Variants in NRXN1 observed in about 807,000 individuals in gnomAD.
NRXN1 encodes neurexin 1.
In NRXN1, 39 loss-of-function variants were observed where a neutral mutation model predicts 150.9. The ratio of observed to expected loss-of-function variants is 0.26; its 90% CI spans 0.20 to 0.34. The LOEUF (loss-of-function observed/expected upper bound fraction) is 0.34. Among genes scored for constraint, NRXN1 ranks in the 10% least tolerant of loss-of-function variants. The probability of loss-of-function intolerance (pLI) is 1.00; values close to 1 mark genes in which losing one functional copy is unlikely to be tolerated. For missense variants in NRXN1, 1,815 were observed against 1,949.9 expected (o/e 0.93, Z 1.30); for synonymous variants, 924 against 757.0 (o/e 1.22, Z -3.62).
intron 18 of NRXN1, among the ~76,000 whole-genome samples, chr2:50,094,641 G>A (rs954436170): frequency 1.1e-4 from 16 of 152,040 alleles, no homozygotes; most frequent in Non-Finnish European, 1.9e-4. Context: ...TGTGCATTAG[G>A]GTTTGTTAGG....
intron 5 of NRXN1, among the ~76,000 whole-genome samples, chr2:50,674,294 A>C (rs1302975341): frequency 6.6e-6 from 1 of 152,114 alleles, no homozygotes; most frequent in Non-Finnish European, 1.5e-5. Context: ...ATAAGTTAAA[A>C]ACAAACTAAC....
At chr2:50,115,193 C>CA (rs1419341841) in intron 18 of NRXN1, among the ~76,000 whole-genome samples, 18 of 130,262 alleles carry the variant, frequency 1.4e-4, no homozygotes, top group East Asian at 2.2e-4. Context: ...ATAAAACTTA[C>CA]AAAAAAACAT....
At chr2:50,042,469 C>A (rs1405065687) in intron 21 of NRXN1, among the ~76,000 whole-genome samples, 2 of 152,194 alleles carry the variant, frequency 1.3e-5, no homozygotes, top group African/African-American at 2.4e-5. Context: ...GAGGCCTCCC[C>A]AGCCCTGCAG....
chr2:50,766,802 T>C (rs1702437840), intron 5 of NRXN1, among the ~76,000 whole-genome samples: 1 of 151,996 alleles, frequency 6.6e-6, no homozygotes, highest in Non-Finnish European at 1.5e-5. Context: ...GTGCAGAATA[T>C]AAGGGCAGTG....
intron 8 of NRXN1, among the ~76,000 whole-genome samples, chr2:50,567,810 A>T (rs1670090830): frequency 6.6e-6 from 1 of 152,186 alleles, no homozygotes; most frequent in Admixed American, 6.5e-5. Context: ...AATCACTTTT[A>T]TTCAAAAATA....
At chr2:50,230,958 G>A (rs1456113081) in intron 18 of NRXN1, among the ~76,000 whole-genome samples, 6 of 151,974 alleles carry the variant, frequency 3.9e-5, no homozygotes, top group Non-Finnish European at 7.4e-5. Flanking sequence ...TGGTGAAAAG[G>A]CATTATTTAA....
At chr2:50,480,194 T>C (rs1022136219) in intron 15 of NRXN1, among the ~76,000 whole-genome samples, 2 of 152,216 alleles carry the variant, frequency 1.3e-5, no homozygotes, top group African/African-American at 4.8e-5. Context: ...ATGACCAGTT[T>C]TAACTGACAC....
chr2:50,994,675 T>C (rs540535785), intron 2 of NRXN1, among the ~76,000 whole-genome samples: 1 of 152,038 alleles, frequency 6.6e-6, no homozygotes, highest in Non-Finnish European at 1.5e-5. Flanking sequence ...AAATGTTCAA[T>C]AAATATTAAC....
At chr2:50,373,679 A>AAAGAAGGAAGGAAAG (rs1553513456) in intron 17 of NRXN1, among the ~76,000 whole-genome samples, 3 of 65,674 alleles carry the variant, frequency 4.6e-5, no homozygotes, top group African/African-American at 1.8e-4. Context: ...AGAAAGAAAG[A>AAAGAAGGAAGGAAAG]AAAGAAAGAA....
At chr2:50,247,396 A>T (rs2066605295) in intron 17 of NRXN1, among the ~76,000 whole-genome samples, 1 of 152,082 alleles carries the variant, frequency 6.6e-6, no homozygotes, top group South Asian at 2.1e-4. Context: ...ATGATTTATT[A>T]ATACTCAGAG....
At chr2:50,235,571 TA>T (rs1407828847) in intron 18 of NRXN1, among the ~76,000 whole-genome samples, 2 of 152,070 alleles carry the variant, frequency 1.3e-5, no homozygotes, top group East Asian at 3.9e-4. Flanking sequence ...AACAGAGAAT[TA>T]AAAACTTGTA....
chr2:50,973,098 C>T (rs578038998), intron 2 of NRXN1, among the ~76,000 whole-genome samples: 1 of 152,272 alleles, frequency 6.6e-6, no homozygotes, highest in Admixed American at 6.5e-5. Flanking sequence ...CTATGATCTC[C>T]TATTCAGAGA....
At chr2:50,680,501 T>TA (rs1690220087) in intron 5 of NRXN1, among the ~76,000 whole-genome samples, 1 of 152,142 alleles carries the variant, frequency 6.6e-6, no homozygotes, top group Non-Finnish European at 1.5e-5. Flanking sequence ...GCAACATTGT[T>TA]ATAATGTTGA....
intron 18 of NRXN1, among the ~76,000 whole-genome samples, chr2:50,094,921 C>T (rs1433699502): frequency 1.3e-5 from 2 of 152,112 alleles, no homozygotes; most frequent in Non-Finnish European, 2.9e-5. Context: ...GAACCAAATG[C>T]TTCCGAAAAG....
chr2:50,598,427 T>TA lies in NRXN1; in HGVS notation c.1320+21594dup, dbSNP rs539402382. Among the ~76,000 whole-genome samples, 283 of 151,372 alleles carry TA rather than the reference T, an allele frequency of 1.9e-3. 2 individuals are homozygous for TA. The highest frequency in any genetic ancestry group is 6.4e-3 in the African/African-American group (267 of 41,406). On this transcript the variant is annotated intron_variant, in intron 8 of 22. Coordinates refer to ENST00000401669, the MANE Select transcript of NRXN1 (RefSeq NM_001330078.2). Reference sequence around the variant, plus strand: ...TAAAAAAATAAAAAATAAAATAAAATAAACTTTTTTAAATCAGAAATAATT... The same window carrying TA: ...TAAAAAAATAAAAAATAAAATAAAATAAAACTTTTTTAAATCAGAAATAATT...
chr2:50,463,754 C>G (rs1339068002), intron 17 of NRXN1, among the ~76,000 whole-genome samples: 1 of 151,706 alleles, frequency 6.6e-6, no homozygotes, highest in Non-Finnish European at 1.5e-5. Context: ...TCTGCCACAA[C>G]CAAATGGCAA....
At position 49,977,805 on chromosome 2, in the gene NRXN1, C is replaced by G. The variant is rs188049065; in HGVS notation, c.4129-34014G>C. Among the ~76,000 whole-genome samples the G allele has an allele frequency of 8.5e-5, 13 of 152,210 alleles. No homozygotes were observed. The East Asian group carries it at 2.5e-3, about 29-fold the overall frequency. ...AAAAGAATTAAAGTGAGAAATTAACCTAATTGAAATTAACAGTATACTTGA... is the reference window on the plus strand; with the variant it reads ...AAAAGAATTAAAGTGAGAAATTAACGTAATTGAAATTAACAGTATACTTGA... On this transcript the variant is annotated intron_variant, in intron 21 of 22. Coordinates refer to ENST00000401669, the MANE Select transcript of NRXN1 (RefSeq NM_001330078.2).
chr2:50,273,831 ATC>A (rs2070043520), intron 17 of NRXN1, among the ~76,000 whole-genome samples: 1 of 152,184 alleles, frequency 6.6e-6, no homozygotes. Flanking sequence ...ATGACATACC[ATC>A]TCATGTCAGT....
intron 2 of NRXN1, among the ~76,000 whole-genome samples, chr2:50,943,340 G>A (rs971327536): frequency 1.3e-5 from 2 of 152,106 alleles, no homozygotes; most frequent in African/African-American, 4.8e-5. Context: ...TACTTTTACT[G>A]GCAAAAACTG....
Sources: gnomAD v4.1 joint callset for allele counts (sites outside exome capture counted in the v4.1 genomes callset) on GRCh38, gnomAD v4.1.1 for gene constraint, MANE v1.5 for transcripts, NCBI Gene and HGNC (gene_info 2026-07-23, HGNC 2026-07-21) for gene names.